The following SIGIRR variants were observed in gnomAD, a reference collection of about 807,000 sequenced individuals.
SIGIRR encodes the protein single Ig and TIR domain containing.
SIGIRR carries 41 observed loss-of-function variants against 45.6 expected under a neutral mutation model. That is an observed-to-expected ratio of 0.90 (90% CI 0.70 to 1.17). The LOEUF (loss-of-function observed/expected upper bound fraction) is 1.17, where lower values mean the gene tolerates loss of function less well. SIGIRR is among the 50% of genes most tolerant of loss of function. The pLI is 0.00. For missense variants in SIGIRR, 599 were observed against 539.6 expected (o/e 1.11, Z -1.09); for synonymous variants, 298 against 239.0 (o/e 1.25, Z -2.28).
upstream of SIGIRR, among the ~76,000 whole-genome samples, chr11:417,059 G>C (rs546892161): frequency 2.0e-5 from 3 of 152,332 alleles, no homozygotes; most frequent in African/African-American, 7.2e-5. The surrounding 1 kb of genome is among the most constrained non-coding windows in gnomAD (Gnocchi z 4.2). Context: ...TCACCAAAAA[G>C]CCGCTGACCA....
In SIGIRR at chr11:408,803, G is replaced by A. The variant is rs754441975; in HGVS notation, c.98C>T (p.Thr33Met). The A allele has an allele frequency of 4.0e-5, 65 of 1,612,652 alleles. No homozygotes were observed. The highest frequency in any genetic ancestry group is 8.3e-5 in the Admixed American group (5 of 60,004). The change falls in exon 3 of 10, where the codon ACG becomes ATG. Residue 33 changes from threonine to methionine, a missense_variant. Thr to Met is a moderately conservative substitution (Grantham distance 81). Coordinates refer to ENST00000431843, the MANE Select transcript of SIGIRR (RefSeq NM_001135054.2). ...ALGSSVALNC[T>M]AWVVSGPHCS... ...GTGGGGCCCAGAGACTACCCAAGCC[G>A]TGCAGTTCAGAGCCACTGAGCTGCC...
chr11:407,386 C>T (rs1212961492), intron 6 of SIGIRR, 39 bp downstream of exon 6: 1 of 1,466,016 alleles, frequency 6.8e-7, no homozygotes, highest in Non-Finnish European at 9.1e-7. Flanking sequence ...CGGGGCGGGC[C>T]CTCCGGGTGG....
chr11:408,617 C>A (rs1236476231), intron 3 of SIGIRR, 78 bp downstream of exon 3: 1 of 1,543,932 alleles, frequency 6.5e-7, no homozygotes, highest in African/African-American at 1.4e-5. Flanking sequence ...GGTTACAGAC[C>A]CAGGCATAGG....
At chr11:406,604 C>G (rs1055362770) in intron 8 of SIGIRR, 66 bp from the exon 9 acceptor site, 2 of 1,523,332 alleles carry the variant, frequency 1.3e-6, no homozygotes, top group African/African-American at 2.8e-5. Context: ...TCCTGGCCCC[C>G]AAGAGCACAC....
At chr11:408,928 A>C in intron 2 of SIGIRR, 35 bp from the exon 3 acceptor site, 1 of 1,604,374 alleles carries the variant, frequency 6.2e-7, no homozygotes, top group Non-Finnish European at 8.5e-7. Flanking sequence ...CAGCTGTGCC[A>C]GGGTGCCTGG....
At chr11:410,543 G>A (rs1454303566) in intron 1 of SIGIRR, among the ~76,000 whole-genome samples, 8 of 145,036 alleles carry the variant, frequency 5.5e-5, no homozygotes, top group African/African-American at 2.1e-4. Flanking sequence ...GTTGGGGTGG[G>A]GGTGCCCAGC....
chr11:415,249 TGCAGTGTGTCTGC>T (rs1847850025), upstream of SIGIRR, among the ~76,000 whole-genome samples: 3 of 119,028 alleles, frequency 2.5e-5, no homozygotes, highest in African/African-American at 3.3e-5. The surrounding 1 kb of genome is among the most constrained non-coding windows in gnomAD (Gnocchi z 6.6). Context: ...TGTGTGTGTG[TGCAGTGTGTCTGC>T]GTGTGTGCAA....
At position 409,945 on chromosome 11, in the gene SIGIRR, G is replaced by C; in HGVS notation, c.-71C>G. The C allele has an allele frequency of 8.7e-6, 11 of 1,259,424 alleles. No homozygotes were observed. The highest frequency in any genetic ancestry group is 1.0e-5 in the Non-Finnish European group (10 of 997,202). 78.0% of individuals were successfully genotyped at this position (1,259,424 alleles called of 1,614,324 possible). On this transcript the variant is annotated 5_prime_UTR_variant, in exon 2 of 10. Transcript: ENST00000431843. ...ACCCCTGGCTCCACCGGGCTCCTCG[G>C]CCAGCAGACTGATCCAAGAGCTGGG... is the stretch of plus-strand genomic sequence containing the variant.
chr11:414,565 G>C (rs1438291752), intron 1 of SIGIRR, among the ~76,000 whole-genome samples: 1 of 152,054 alleles, frequency 6.6e-6, no homozygotes, highest in Non-Finnish European at 1.5e-5. Flanking sequence ...TTAGGCTGCA[G>C]ACCCCTCACA....
In SIGIRR at chr11:406,434, C is replaced by T. The variant is rs1480675858; in HGVS notation, c.984G>A (p.Lys328=). ...GGCCTCGAAGAATCAGCATGGGGTC[C>T]TTGTCGTCCTGCAGCTGCGTCTGGG... The part of the protein sequence containing the change: ...GDPQTQLQDD[K]DPMLILRGRV... The change falls in exon 9 of 10, where the codon AAG becomes AAA. Residue 328 remains lysine (K), a synonymous_variant. Transcript: ENST00000431843. 5 of 1,612,654 alleles carry T rather than the reference C, an allele frequency of 3.1e-6. No individual in the cohort carries two copies. In the African/African-American group the frequency reaches 4.0e-5, roughly 13 times the overall value.
rs772857876 is a variant in SIGIRR, at chr11:407,183, C to A, written c.626-19G>T. 13 of 643,140 alleles carry A rather than the reference C, an allele frequency of 2.0e-5. No homozygotes were observed. Among genetic ancestry groups the A allele is most frequent in the South Asian group, 8.2e-5 (3 of 36,728 alleles). The allele number at this position is 643,140 out of a possible 1,614,324, so 39.8% of individuals were successfully genotyped here. ...GAGGGCTCTGCGGGAGGGCGGGCGT[C>A]GGCGGCGCAGGGGCGGGGGCGGGGG... is the stretch of plus-strand genomic sequence containing the variant. On this transcript the variant is annotated intron_variant, in intron 6 of 9. Coordinates refer to ENST00000431843, the MANE Select transcript of SIGIRR (RefSeq NM_001135054.2).
At chr11:407,652 A>C in intron 5 of SIGIRR, 84 bp from the exon 6 acceptor site, 2 of 1,561,060 alleles carry the variant, frequency 1.3e-6, no homozygotes, top group East Asian at 2.3e-5. Flanking sequence ...ACCATCTCCC[A>C]CGTGCACAGG....
Position 410,033 on chromosome 11 carries a change from G to A in SIGIRR, c.-153-6C>T, listed in dbSNP as rs1168422394. ...GCACCTGGACAGGTCAGAGGCTGCCGCCATCCCCAGGGAACAAGTTAAACA... is the reference window on the plus strand; with the variant it reads ...GCACCTGGACAGGTCAGAGGCTGCCACCATCCCCAGGGAACAAGTTAAACA... On this transcript the variant is annotated splice_region_variant and splice_polypyrimidine_tract_variant and intron_variant, in intron 1 of 9. Coordinates refer to ENST00000431843, the MANE Select transcript of SIGIRR (RefSeq NM_001135054.2). 3 of 1,237,846 alleles carry A rather than the reference G, an allele frequency of 2.4e-6. No homozygotes were observed. Among genetic ancestry groups the A allele is most frequent in the African/African-American group, 3.1e-5 (2 of 64,438 alleles). The allele number at this position is 1,237,846 out of a possible 1,614,324, so 76.7% of individuals were successfully genotyped here. A position where few individuals can be genotyped will look rare whatever the true frequency, so the allele number is the denominator to read the frequency against.
In SIGIRR at chr11:407,118, G is replaced by T; in HGVS notation, c.672C>A (p.Leu224=). 15 of 1,534,450 alleles carry T rather than the reference G, an allele frequency of 9.8e-6. No individual in the cohort carries two copies. In the Admixed American group the frequency reaches 1.5e-4, roughly 16 times the overall value. ...LLVNLSRCRR[L]IVVLSDAFLS... is the part of the protein sequence containing the mutation. ...GGAAGGCGTCCGAAAGCACCACGAT[G>T]AGGCGTCGGCAGCGGCTCAGGTTCA... The change falls in exon 7 of 10, where the codon CTC becomes CTA. Residue 224 remains leucine (L), a synonymous_variant. Coordinates refer to ENST00000431843, the MANE Select transcript of SIGIRR (RefSeq NM_001135054.2).
rs1432562810 is a variant in SIGIRR at position 414,890 on chromosome 11, C to T, written c.-221G>A. On this transcript the variant is annotated 5_prime_UTR_variant, in exon 1 of 10. Coordinates refer to ENST00000431843, the MANE Select transcript of SIGIRR (RefSeq NM_001135054.2). Reference sequence around the variant, plus strand: ...GGTGCGCCTTTGGGAGCAAACTCTCCCCTTCGCTGGGCCCCAGGGAGTGTC... The same window carrying T: ...GGTGCGCCTTTGGGAGCAAACTCTCTCCTTCGCTGGGCCCCAGGGAGTGTC... 2 of 985,420 alleles carry T rather than the reference C, an allele frequency of 2.0e-6. No homozygotes were observed. Among genetic ancestry groups the T allele is most frequent in the East Asian group, 1.1e-4 (1 of 8,834 alleles). 61.0% of individuals were successfully genotyped at this position (985,420 alleles called of 1,614,324 possible).
At chr11:415,352 G>A (rs1847854023), upstream of SIGIRR, among the ~76,000 whole-genome samples, 2 of 150,684 alleles carry the variant, frequency 1.3e-5, no homozygotes, top group South Asian at 4.2e-4. The surrounding 1 kb of genome is among the most constrained non-coding windows in gnomAD (Gnocchi z 6.6). Flanking sequence ...AAAGGGGCAG[G>A]TTCCAGGGGT....
At chr11:410,948 G>C in intron 1 of SIGIRR, among the ~76,000 whole-genome samples, 1 of 43,046 alleles carries the variant, frequency 2.3e-5, no homozygotes, top group African/African-American at 1.0e-4. Flanking sequence ...ACAGTCGGCG[G>C]GGGTGCCCAG....
Position 407,103 on chromosome 11 carries a change from CGAAA to C in SIGIRR, c.683_686del (p.Leu228ArgfsTer5). ...ACCAGGCCCGGCTCAGGAAGGCGTC[CGAAA>C]GCACCACGATGAGGCGTCGGCAGCG... On this transcript the variant is annotated frameshift_variant, in exon 7 of 10. Transcript: ENST00000431843. LOFTEE classifies it high-confidence loss of function. 1 of 1,511,144 alleles carries C rather than the reference CGAAA, an allele frequency of 6.6e-7. No individual in the cohort carries two copies. 93.6% of individuals were successfully genotyped at this position (1,511,144 alleles called of 1,614,324 possible).
chr11:405,747 T>C lies in SIGIRR; in HGVS notation c.*149A>G. 1 of 923,216 alleles carries C rather than the reference T, an allele frequency of 1.1e-6. No homozygotes were observed. The highest frequency in any genetic ancestry group is 1.6e-6 in the Non-Finnish European group (1 of 636,036). The allele number at this position is 923,216 out of a possible 1,614,324, so 57.2% of individuals were successfully genotyped here. A position where few individuals can be genotyped will look rare whatever the true frequency, so the allele number is the denominator to read the frequency against. On this transcript the variant is annotated 3_prime_UTR_variant, in exon 10 of 10. Transcript: ENST00000431843. ...CCAAAAGGACTTTATTTTCTGGCAC[T>C]GGGAGGCGCCCTGAGGCCACAGCCT...
Sources: gnomAD v4.1 joint callset for allele counts (sites outside exome capture counted in the v4.1 genomes callset) on GRCh38, gnomAD v4.1.1 for gene constraint, Gnocchi (gnomAD v3.1) non-coding constraint, MANE v1.5 for transcripts, NCBI Gene and HGNC (gene_info 2026-07-23, HGNC 2026-07-21) for gene names.